The following RNF144A variants were observed in gnomAD, a reference collection of about 807,000 sequenced individuals.
RNF144A encodes E3 ubiquitin-protein ligase RNF144A.
In RNF144A, 11 loss-of-function variants were observed where a neutral mutation model predicts 38.7. The observed-to-expected ratio is 0.28, with a 90% CI of 0.18 to 0.47. The LOEUF (loss-of-function observed/expected upper bound fraction) is 0.47, where lower values mean the gene tolerates loss of function less well. Among genes scored for constraint, RNF144A ranks in the 20% least tolerant of loss-of-function variants. RNF144A has a pLI of 0.99. For missense variants in RNF144A, 316 were observed against 377.2 expected (o/e 0.84, Z 1.34); for synonymous variants, 149 against 143.9 (o/e 1.04, Z -0.25).
chr2:7,027,420 G>A (rs747112204), intron 7 of RNF144A, among the ~76,000 whole-genome samples: 2 of 152,214 alleles, frequency 1.3e-5, no homozygotes, highest in Non-Finnish European at 2.9e-5. Flanking sequence ...CTGGATACCT[G>A]CTTCCCTTAA....
chr2:7,023,336 C>T (rs1376696563), intron 6 of RNF144A, among the ~76,000 whole-genome samples: 1 of 152,172 alleles, frequency 6.6e-6, no homozygotes, highest in East Asian at 1.9e-4. Context: ...TGACTGGAAG[C>T]TTGTGAGAGA....
chr2:7,057,844 C>A (rs1035588195), intron 6 of RNF144A, among the ~76,000 whole-genome samples: 1 of 152,094 alleles, frequency 6.6e-6, no homozygotes, highest in Non-Finnish European at 1.5e-5. Context: ...GCCCAGGGAT[C>A]AAATGTTAAG....
At chr2:7,008,128 A>T (rs1343794857) in intron 3 of RNF144A, among the ~76,000 whole-genome samples, 6 of 152,126 alleles carry the variant, frequency 3.9e-5, no homozygotes, top group Non-Finnish European at 8.8e-5. Flanking sequence ...TGTCACCCCC[A>T]TCTCACCCTG....
At chr2:7,074,880 A>G in the RNF144A span, among the ~76,000 whole-genome samples, 598 of 152,324 alleles carry the variant, frequency 3.9e-3, 4 homozygotes, top group African/African-American at 0.014. Context: ...AATTTATTTG[A>G]ACGAGATGGG....
At chr2:6,974,713 G>A (rs530887735) in intron 2 of RNF144A, among the ~76,000 whole-genome samples, 24 of 152,292 alleles carry the variant, frequency 1.6e-4, no homozygotes, top group African/African-American at 5.8e-4. Flanking sequence ...TGACAGGCAG[G>A]TGCATCAAGG....
intron 2 of RNF144A, among the ~76,000 whole-genome samples, chr2:6,957,834 T>C (rs1456956874): frequency 6.6e-6 from 1 of 152,214 alleles, no homozygotes; most frequent in Non-Finnish European, 1.5e-5. Context: ...CCTTTTCCAA[T>C]CTTAGCACTC....
intron 6 of RNF144A, among the ~76,000 whole-genome samples, chr2:7,060,764 A>G (rs1673920362): frequency 6.6e-6 from 1 of 152,194 alleles, no homozygotes; most frequent in African/African-American, 2.4e-5. Context: ...GCCCCATCTT[A>G]CATAGAGCCT....
intron 3 of RNF144A, among the ~76,000 whole-genome samples, chr2:7,008,430 G>T (rs868113271): frequency 1.3e-5 from 2 of 152,160 alleles, no homozygotes; most frequent in African/African-American, 4.8e-5. Flanking sequence ...ATTAAGAACC[G>T]CAGGCCTGAC....
intron 8 of RNF144A, among the ~76,000 whole-genome samples, chr2:7,033,707 A>C (rs372346): frequency 0.44 from 66,381 of 151,838 alleles, 15,411 homozygotes; most frequent in South Asian, 0.76. Context: ...TCCCATGTGG[A>C]CCCACCCCAC....
the RNF144A span, among the ~76,000 whole-genome samples, chr2:7,075,289 C>CT: frequency 3.3e-5 from 5 of 151,822 alleles, no homozygotes; most frequent in East Asian, 7.9e-4. Flanking sequence ...CATCCCCCCC[C>CT]CCACACAGTG....
chr2:6,996,028 T>C (rs1001001757), intron 2 of RNF144A, among the ~76,000 whole-genome samples: 17 of 152,214 alleles, frequency 1.1e-4, no homozygotes, highest in Admixed American at 6.5e-4. Flanking sequence ...GGGAACTGTT[T>C]TGGGCAGTTC....
At chr2:7,018,480 G>A (rs922132386) in intron 5 of RNF144A, among the ~76,000 whole-genome samples, 3 of 152,268 alleles carry the variant, frequency 2.0e-5, no homozygotes, top group South Asian at 2.1e-4. Flanking sequence ...AGCCTTTGGC[G>A]TTTCCTCCTC....
chr2:7,029,048 A>G (rs1213399580), intron 7 of RNF144A, among the ~76,000 whole-genome samples: 1 of 152,226 alleles, frequency 6.6e-6, no homozygotes, highest in Non-Finnish European at 1.5e-5. Flanking sequence ...CTGTCTTACC[A>G]GAGTTGATTG....
At chr2:6,969,003 C>T (rs539047320) in intron 2 of RNF144A, among the ~76,000 whole-genome samples, 35 of 152,312 alleles carry the variant, frequency 2.3e-4, no homozygotes, top group South Asian at 1.0e-3. Flanking sequence ...CCTGGTATAC[C>T]GCCTCTTGGT....
intron 6 of RNF144A, among the ~76,000 whole-genome samples, chr2:7,051,705 A>G (rs571699968): frequency 2.8e-4 from 43 of 152,350 alleles, no homozygotes; most frequent in Admixed American, 2.5e-3. Flanking sequence ...CCTGGCCAAC[A>G]TGGTGAAATG....
At chr2:6,997,186 G>T in intron 3 of RNF144A, 125 bp downstream of exon 3, 1 of 842,346 alleles carries the variant, frequency 1.2e-6, no homozygotes. Context: ...TTCTTGTTGA[G>T]GCCTTCACAC....
chr2:7,063,188 C>G (rs1200283884), intron 6 of RNF144A, among the ~76,000 whole-genome samples: 1 of 152,140 alleles, frequency 6.6e-6, no homozygotes, highest in Non-Finnish European at 1.5e-5. Context: ...AGAAAAGGCT[C>G]CTAACCACAG....
At chr2:6,998,188 T>G (rs454213) in intron 3 of RNF144A, among the ~76,000 whole-genome samples, 124,391 of 151,888 alleles carry the variant, frequency 0.82, 51,062 homozygotes, top group South Asian at 0.92. Context: ...AAAAAAAGTG[T>G]CTTCTGAATT....
In RNF144A at chr2:6,934,010, G is replaced by A. The variant is rs143965232; in HGVS notation, c.-211-6938G>A. On this transcript the variant is annotated intron_variant, in intron 1 of 8. Transcript: ENST00000320892. ...ACGCATGAAATTTTTTTTCACCAAT[G>A]TATCTCTTGAGTAAATACTTAGGGC... Among the ~76,000 whole-genome samples the A allele has an allele frequency of 7.9e-3, 1,196 of 152,012 alleles. 14 individuals are homozygous for A. Among genetic ancestry groups the A allele is most frequent in the African/African-American group, 0.027 (1,138 of 41,468 alleles).
Sources: gnomAD v4.1 joint callset for allele counts (sites outside exome capture counted in the v4.1 genomes callset) on GRCh38, gnomAD v4.1.1 for gene constraint, MANE v1.5 for transcripts, NCBI Gene and HGNC (gene_info 2026-07-23, HGNC 2026-07-21) for gene names.